Variants in ARHGEF2 observed in about 807,000 individuals in gnomAD.
ARHGEF2 encodes Rho/Rac guanine nucleotide exchange factor 2, also known as rho guanine nucleotide exchange factor 2.
A neutral mutation model predicts 121.0 loss-of-function variants in ARHGEF2; 22 were observed. The ratio of observed to expected loss-of-function variants is 0.18; its 90% CI spans 0.13 to 0.26. The LOEUF is 0.26. ARHGEF2 is among the 10% of genes least tolerant of loss of function. The pLI, the probability that ARHGEF2 is intolerant of heterozygous loss-of-function variation, is 1.00. For missense variants in ARHGEF2, 907 were observed against 1,336.0 expected, an observed-to-expected ratio of 0.68 and a Z score of 5.01; for synonymous variants, 487 against 530.0, an observed-to-expected ratio of 0.92 and a Z score of 1.11.
At position 155,963,046 on chromosome 1, in the gene ARHGEF2, C is replaced by T; in HGVS notation, c.862G>A (p.Asp288Asn). Residue 288 changes from aspartate (D) to asparagine (N), a missense_variant, in exon 8 of 22, where the codon GAC (aspartate) becomes AAC (asparagine). Coordinates refer to ENST00000361247, the MANE Select transcript of ARHGEF2 (RefSeq NM_001162383.2). ...TGGCTGAGGAAGCGTGTATGGATGT[C>T]ACTGAGCTCGTCCACGCAGGGGAAC... is the stretch of plus-strand genomic sequence containing the variant. ...GLFPCVDELS[D>N]IHTRFLSQLL... 1 of 1,614,158 alleles carries T rather than the reference C, an allele frequency of 6.2e-7. No individual in the cohort carries two copies. The highest frequency in any genetic ancestry group is 8.5e-7 in the Non-Finnish European group (1 of 1,180,038).
intron 1 of ARHGEF2, among the ~76,000 whole-genome samples, chr1:155,975,545 C>T (rs560762640): frequency 6.6e-6 from 1 of 152,226 alleles, no homozygotes; most frequent in South Asian, 2.1e-4. Context: ...CCCCAGAAGC[C>T]TCAGCCACCA....
chr1:155,969,337 GA>G, intron 1 of ARHGEF2, 37 bp from the exon 2 acceptor site: 1 of 1,611,442 alleles, frequency 6.2e-7, no homozygotes, highest in Non-Finnish European at 8.5e-7. Context: ...AGTGAGGCTG[GA>G]AAATGCCAGG....
chr1:155,948,029 G>A lies in ARHGEF2; in HGVS notation c.2888-14C>T, dbSNP rs1433953041. 9 of 1,549,714 alleles carry A rather than the reference G, an allele frequency of 5.8e-6. No individual in the cohort carries two copies. Among genetic ancestry groups the A allele is most frequent in the Non-Finnish European group, 7.9e-6 (9 of 1,145,768 alleles). The stretch of plus-strand genomic sequence containing the variant: ...TTCTGGTAAAGTCTGAAGGGGGACA[G>A]GACAAAGCCAGTGAGTTAGCAGAGA... On this transcript the variant is annotated splice_polypyrimidine_tract_variant and intron_variant, in intron 21 of 21. Transcript: ENST00000361247.
At position 155,947,872 on chromosome 1, in the gene ARHGEF2, T is replaced by A; in HGVS notation, c.*70A>T. The A allele has an allele frequency of 1.1e-6, 1 of 885,162 alleles. No individual in the cohort carries two copies. The highest frequency in any genetic ancestry group is 1.7e-6 in the Non-Finnish European group (1 of 572,142). 54.8% of individuals were successfully genotyped at this position (885,162 alleles called of 1,614,324 possible). On this transcript the variant is annotated 3_prime_UTR_variant, in exon 22 of 22. Transcript: ENST00000361247. ...AAATGTTCCCTCATCATTGGCAAAT[T>A]GGAGTCCCCAAGGTTAGCCCCCTCA...
chr1:155,969,933 AG>A, intron 1 of ARHGEF2: 1 of 985,394 alleles, frequency 1.0e-6, no homozygotes. Flanking sequence ...CACGGCACAC[AG>A]GGCCTGTCTG....
At chr1:155,967,720 TG>T (rs1679693673) in intron 2 of ARHGEF2, among the ~76,000 whole-genome samples, 2 of 152,208 alleles carry the variant, frequency 1.3e-5, no homozygotes, top group South Asian at 4.1e-4. Context: ...CACCTTGCCA[TG>T]GGGTAGGAGA....
At chr1:155,978,597 C>T (rs1572221734), upstream of ARHGEF2, 1 of 1,262,750 alleles carries the variant, frequency 7.9e-7, no homozygotes, top group Non-Finnish European at 1.0e-6. The surrounding 1 kb of genome is among the most constrained non-coding windows in gnomAD (Gnocchi z 4.1). Flanking sequence ...TCTCCTCCCC[C>T]GCCCAAGCTC....
In ARHGEF2 at chr1:155,952,096, T is replaced by TC. The variant is rs758777355; in HGVS notation, c.2104+19dup. On this transcript the variant is annotated intron_variant, in intron 16 of 21. Transcript: ENST00000361247. ...TGGCCCCTCCCACCTACTACCTTGG[T>TC]CCCCTGCCCTGGTACTCACTGGCAG... 1 of 1,614,042 alleles carries TC rather than the reference T, an allele frequency of 6.2e-7. No individual in the cohort carries two copies. The highest frequency in any genetic ancestry group is 8.5e-7 in the Non-Finnish European group (1 of 1,180,002).
At chr1:155,955,173 G>A (rs1278548506) in intron 13 of ARHGEF2, among the ~76,000 whole-genome samples, 1 of 151,736 alleles carries the variant, frequency 6.6e-6, no homozygotes, top group Non-Finnish European at 1.5e-5. Flanking sequence ...TGTCACCCAG[G>A]CTGGAGTGCA....
Position 155,947,757 on chromosome 1 carries a change from G to A in ARHGEF2, c.*185C>T. ...TGGTGTAGCTTTCGGATGTCCCAGG[G>A]GGTGTTGTGGCCTAATTCCCCTAGC... On this transcript the variant is annotated 3_prime_UTR_variant, in exon 22 of 22. Transcript: ENST00000361247. 1 of 561,554 alleles carries A rather than the reference G, an allele frequency of 1.8e-6. No homozygotes were observed. The highest frequency in any genetic ancestry group is 3.2e-6 in the Non-Finnish European group (1 of 312,536). 34.8% of individuals were successfully genotyped at this position (561,554 alleles called of 1,614,324 possible). A position where few individuals can be genotyped will look rare whatever the true frequency, so the allele number is the denominator to read the frequency against.
At chr1:155,974,796 C>G (rs1681032889) in intron 1 of ARHGEF2, among the ~76,000 whole-genome samples, 1 of 152,074 alleles carries the variant, frequency 6.6e-6, no homozygotes, top group African/African-American at 2.4e-5. Flanking sequence ...GGAACCCAGC[C>G]TGCCCCCTAC....
In ARHGEF2 at chr1:155,962,494, G is replaced by T. The variant is rs1446515917; in HGVS notation, c.1101+99C>A. The T allele has an allele frequency of 3.3e-6, 5 of 1,537,712 alleles. No individual in the cohort carries two copies. The highest frequency in any genetic ancestry group is 2.7e-5 in the African/African-American group (2 of 73,172). On this transcript the variant is annotated intron_variant, in intron 9 of 21. Transcript: ENST00000361247. The surrounding 1 kb of genome is among the most constrained non-coding windows in gnomAD (Gnocchi z 5.8). The stretch of plus-strand genomic sequence containing the variant: ...TGGATGGTCTGCACGGGTGGCGAAT[G>T]CCTGACCTCCATGTGGGTGCAGCTC...
Position 155,962,588 on chromosome 1 carries a change from C to A in ARHGEF2, c.1101+5G>T. On this transcript the variant is annotated splice_donor_5th_base_variant and intron_variant, in intron 9 of 21. Transcript: ENST00000361247. This position sits in a 1 kb window ranked among gnomAD's most constrained non-coding sequence, Gnocchi z 5.8. Reference sequence around the variant, plus strand: ...TGAGCATGGGATCTGGAGAGGTCCGCTCACCCGGATGAATTGCTGGAAGCG... The same window carrying A: ...TGAGCATGGGATCTGGAGAGGTCCGATCACCCGGATGAATTGCTGGAAGCG... The A allele has an allele frequency of 6.2e-7, 1 of 1,613,182 alleles. No individual in the cohort carries two copies. Among genetic ancestry groups the A allele is most frequent in the Non-Finnish European group, 8.5e-7 (1 of 1,179,942 alleles).
Position 155,952,656 on chromosome 1 carries a change from C to T in ARHGEF2, c.1956G>A (p.Glu652=). Residue 652 remains glutamate, a synonymous_variant, in exon 15 of 22, where the codon GAG becomes GAA. Transcript: ENST00000361247. ...RSESLESPRG[E]RLLQDAIREV... ...CACGGATGGCATCCTGCAGCAGCCG[C>T]TCGCCACGAGGGGACTCAAGGGACT... 6.2e-7 allele frequency: 1 copy of T among 1,613,258 alleles called. No individual in the cohort carries two copies. The highest frequency in any genetic ancestry group is 8.5e-7 in the Non-Finnish European group (1 of 1,179,274).
In ARHGEF2 at chr1:155,966,416, T is replaced by C. The variant is rs1042877693; in HGVS notation, c.340A>G (p.Thr114Ala). The C allele has an allele frequency of 1.4e-5, 23 of 1,614,028 alleles. No individual in the cohort carries two copies. The highest frequency in any genetic ancestry group is 1.9e-5 in the Non-Finnish European group (22 of 1,179,966). The change falls in exon 4 of 22, where the codon ACA becomes GCA. Residue 114 changes from threonine (T) to alanine (A), a missense_variant and splice_region_variant. This residue lies in a region of ARHGEF2 where 475 missense variants were observed against 776.5 expected (regional missense o/e 0.61). Transcript: ENST00000361247. ...CCTCCTCCACTCCCCAACTACTCAC[T>C]CTTACTTCGAAGAGAAACGGACTGC... The part of the protein sequence containing the change: ...ALQSVSLRSK[T>A]TIRERPSSAI...
At chr1:155,964,167 A>AAAATATATAT (rs1553244640) in intron 7 of ARHGEF2, among the ~76,000 whole-genome samples, 1 of 91,238 alleles carries the variant, frequency 1.1e-5, no homozygotes, top group African/African-American at 6.1e-5. Context: ...AAAAAAAAAA[A>AAAATATATAT]ATATATATAT....
Position 155,965,517 on chromosome 1 carries a change from CCTT to C in ARHGEF2, c.471-108_471-106del. ...CCAAGAGGCGGTCCCCCTAAGTTCT[CCTT>C]ATTTGTCTGTCTACAGTTCTGAACT... On this transcript the variant is annotated intron_variant, in intron 5 of 21. Coordinates refer to ENST00000361247, the MANE Select transcript of ARHGEF2 (RefSeq NM_001162383.2). The surrounding 1 kb of genome is among the most constrained non-coding windows in gnomAD (Gnocchi z 6.0). 4 of 1,603,532 alleles carry C rather than the reference CCTT, an allele frequency of 2.5e-6. No homozygotes were observed. Among genetic ancestry groups the C allele is most frequent in the South Asian group, 1.1e-5 (1 of 90,394 alleles).
At position 155,950,301 on chromosome 1, in the gene ARHGEF2, C is replaced by T. The variant is rs1234420837; in HGVS notation, c.2885G>A (p.Arg962Gln). 3.1e-6 allele frequency: 5 copies of T among 1,612,282 alleles called. No homozygotes were observed. Among genetic ancestry groups the T allele is most frequent in the East Asian group, 2.2e-5 (1 of 44,888 alleles). Residue 962 changes from arginine (R) to glutamine (Q), a missense_variant and splice_region_variant, in exon 21 of 22, where the codon CGA becomes CAA. Physicochemically the swap from Arg to Gln is conservative, Grantham distance 43. Coordinates refer to ENST00000361247, the MANE Select transcript of ARHGEF2 (RefSeq NM_001162383.2). This position sits in a 1 kb window ranked among gnomAD's most constrained non-coding sequence, Gnocchi z 5.2. ...SSRLSPPHSP[R>Q]DFTRMQDIPE... ...CCATGTCTCCGCCAGGGTCTCACCT[C>T]GTGGACTGTGGGGCGGAGACAGACG...
Position 155,951,368 on chromosome 1 carries a change from G to C in ARHGEF2, c.2260-96C>G. 6.3e-7 allele frequency: 1 copy of C among 1,578,004 alleles called. No individual in the cohort carries two copies. The highest frequency in any genetic ancestry group is 8.7e-7 in the Non-Finnish European group (1 of 1,153,266). Reference sequence around the variant, plus strand: ...CAAGGCCCAGATCATCGCTCCTGGAGAGCTTGGATTGGGAGGGTATTTAGA... The same window carrying C: ...CAAGGCCCAGATCATCGCTCCTGGACAGCTTGGATTGGGAGGGTATTTAGA... On this transcript the variant is annotated intron_variant, in intron 19 of 21. Transcript: ENST00000361247. The surrounding 1 kb of genome is among the most constrained non-coding windows in gnomAD (Gnocchi z 5.1).
Sources: allele counts gnomAD v4.1 joint callset (sites outside exome capture counted in the v4.1 genomes callset), GRCh38; gene constraint gnomAD v4.1.1; regional missense constraint gnomAD v4.1.1; non-coding constraint Gnocchi (gnomAD v3.1); transcripts MANE v1.5; gene names NCBI Gene and HGNC (gene_info 2026-07-23, HGNC 2026-07-21).